Variants in KIAA0319L observed in about 807,000 individuals in gnomAD.
The protein encoded by KIAA0319L is KIAA0319 like.
Under a neutral mutation model 120.1 loss-of-function variants are expected in KIAA0319L, and 55 were observed. That is an observed-to-expected ratio of 0.46 (90% CI 0.37 to 0.57). The LOEUF is 0.57. KIAA0319L is among the 20% of genes least tolerant of loss of function. The probability of loss-of-function intolerance (pLI) is 0.00; values close to 1 mark genes in which losing one functional copy is unlikely to be tolerated. For missense variants in KIAA0319L, 1,049 were observed against 1,255.3 expected (o/e 0.84, Z 2.48); for synonymous variants, 398 against 471.9 (o/e 0.84, Z 2.03).
At chr1:35,503,752 G>C (rs915493219) in intron 3 of KIAA0319L, among the ~76,000 whole-genome samples, 1 of 151,956 alleles carries the variant, frequency 6.6e-6, no homozygotes, top group African/African-American at 2.4e-5. Flanking sequence ...GAATTTTCTC[G>C]TGCCTCTGCC....
chr1:35,548,955 A>C (rs916992046), intron 2 of KIAA0319L, among the ~76,000 whole-genome samples: 3 of 152,128 alleles, frequency 2.0e-5, no homozygotes, highest in Non-Finnish European at 2.9e-5. Flanking sequence ...GCTTCTCTAG[A>C]AGATGCTTCT....
chr1:35,479,666 G>A (rs1295466018), intron 3 of KIAA0319L, among the ~76,000 whole-genome samples: 2 of 152,064 alleles, frequency 1.3e-5, no homozygotes, highest in African/African-American at 4.8e-5. Context: ...AACACTTTGG[G>A]AGGCCAAGAC....
intron 9 of KIAA0319L, among the ~76,000 whole-genome samples, chr1:35,456,899 G>GAAGGAAT (rs2149099162): frequency 1.5e-5 from 2 of 133,168 alleles, no homozygotes; most frequent in African/African-American, 5.9e-5. Flanking sequence ...AGGGAGGGAG[G>GAAGGAAT]GAAAGAAGGA....
intron 2 of KIAA0319L, among the ~76,000 whole-genome samples, chr1:35,512,085 C>G (rs1645468892): frequency 6.6e-6 from 1 of 151,918 alleles, no homozygotes. Flanking sequence ...GCCTGGCCAA[C>G]ATGGCAAAAC....
chr1:35,554,695 T>C (rs1442308553), intron 1 of KIAA0319L, 176 bp from the exon 2 acceptor site: 1 of 434,796 alleles, frequency 2.3e-6, no homozygotes, highest in African/African-American at 2.0e-5. Context: ...CCTATAATTA[T>C]CAGAATAACA....
intron 4 of KIAA0319L, 104 bp from the exon 5 acceptor site, chr1:35,475,010 C>T (rs1643856636): frequency 3.0e-6 from 2 of 667,622 alleles, no homozygotes; most frequent in South Asian, 3.6e-5. Flanking sequence ...TATTCAGCTA[C>T]TGCCATCAAT....
At chr1:35,462,023 G>A (rs1164195374) in intron 8 of KIAA0319L, among the ~76,000 whole-genome samples, 1 of 152,126 alleles carries the variant, frequency 6.6e-6, no homozygotes, top group Non-Finnish European at 1.5e-5. Flanking sequence ...AGCAAATACT[G>A]GTGAGAGGAT....
At chr1:35,522,724 A>T (rs1325714064) in intron 2 of KIAA0319L, among the ~76,000 whole-genome samples, 1 of 151,884 alleles carries the variant, frequency 6.6e-6, no homozygotes, top group African/African-American at 2.4e-5. Flanking sequence ...TAACTTAAAA[A>T]GATCTTGTAT....
At chr1:35,504,398 G>T (rs1203146) in intron 3 of KIAA0319L, among the ~76,000 whole-genome samples, 3 of 152,116 alleles carry the variant, frequency 2.0e-5, no homozygotes, top group Admixed American at 2.0e-4. Flanking sequence ...AGGTTTCACC[G>T]TGTTATCCAG....
intron 13 of KIAA0319L, 48 bp from the exon 14 acceptor site, chr1:35,450,557 G>A (rs1641985058): frequency 6.5e-7 from 1 of 1,544,610 alleles, no homozygotes; most frequent in African/African-American, 1.4e-5. Context: ...TGGAAAAGAA[G>A]AAATGTTTCT....
chr1:35,505,063 C>A (rs1025870232), intron 3 of KIAA0319L, among the ~76,000 whole-genome samples: 1 of 152,068 alleles, frequency 6.6e-6, no homozygotes, highest in African/African-American at 2.4e-5. Context: ...AGTGGCCTAA[C>A]CTGACACCTT....
intron 1 of KIAA0319L, 43 bp from the exon 2 acceptor site, chr1:35,554,562 A>C: frequency 8.0e-7 from 1 of 1,247,606 alleles, no homozygotes; most frequent in Non-Finnish European, 1.1e-6. Flanking sequence ...CGAGTAATTA[A>C]TAATTAATTC....
At chr1:35,551,565 C>T (rs558987016) in intron 2 of KIAA0319L, among the ~76,000 whole-genome samples, 2 of 152,222 alleles carry the variant, frequency 1.3e-5, no homozygotes, top group South Asian at 2.1e-4. Context: ...GTGATCCACC[C>T]GCCTCGGCCT....
intron 4 of KIAA0319L, 134 bp downstream of exon 4, chr1:35,478,832 G>T: frequency 9.4e-7 from 1 of 1,059,364 alleles, no homozygotes; most frequent in Non-Finnish European, 1.4e-6. Context: ...TGACTGCAGG[G>T]GCAATGACAG....
intron 2 of KIAA0319L, among the ~76,000 whole-genome samples, chr1:35,543,609 C>A (rs1175018710): frequency 2.0e-5 from 3 of 152,192 alleles, no homozygotes; most frequent in Admixed American, 6.5e-5. Context: ...ACAACAGAGG[C>A]TACAGCCCTC....
intron 16 of KIAA0319L, among the ~76,000 whole-genome samples, chr1:35,445,704 G>C (rs545769954): frequency 6.6e-6 from 1 of 152,194 alleles, no homozygotes; most frequent in Non-Finnish European, 1.5e-5. Context: ...GCTAACACTA[G>C]TAGGGCAGGG....
Position 35,474,917 on chromosome 1 carries a change from A to C in KIAA0319L, c.914-11T>G. 7.1e-7 allele frequency: 1 copy of C among 1,406,122 alleles called. No homozygotes were observed. Among genetic ancestry groups the C allele is most frequent in the Non-Finnish European group, 1.0e-6 (1 of 993,574 alleles). The allele number at this position is 1,406,122 out of a possible 1,614,324, so 87.1% of individuals were successfully genotyped here. On this transcript the variant is annotated splice_polypyrimidine_tract_variant and intron_variant, in intron 4 of 20. Coordinates refer to ENST00000325722, the MANE Select transcript of KIAA0319L (RefSeq NM_024874.5). The stretch of plus-strand genomic sequence containing the variant: ...CCAGTTCCTTTATAACTGGAAACAA[A>C]GTAAATATACCAGAGATAAGAAATA...
chr1:35,526,366 T>C (rs558298333), intron 2 of KIAA0319L, among the ~76,000 whole-genome samples: 9 of 139,996 alleles, frequency 6.4e-5, no homozygotes, highest in African/African-American at 1.7e-4. Context: ...TGTATATATA[T>C]ACATACATAT....
At chr1:35,535,950 C>T (rs56350806) in intron 2 of KIAA0319L, among the ~76,000 whole-genome samples, 34 of 152,232 alleles carry the variant, frequency 2.2e-4, no homozygotes, top group African/African-American at 7.9e-4. Context: ...TAAAAGTTCA[C>T]CCAATATTTA....
Sources: gnomAD v4.1 joint callset for allele counts (sites outside exome capture counted in the v4.1 genomes callset) on GRCh38, gnomAD v4.1.1 for gene constraint, MANE v1.5 for transcripts, NCBI Gene and HGNC (gene_info 2026-07-23, HGNC 2026-07-21) for gene names.